The following TNRC6B variants were observed in gnomAD, a reference collection of about 807,000 sequenced individuals.
TNRC6B encodes the protein trinucleotide repeat-containing gene 6B protein.
Under a neutral mutation model 203.6 loss-of-function variants are expected in TNRC6B, and 52 were observed. The ratio of observed to expected loss-of-function variants is 0.26; its 90% CI spans 0.20 to 0.32. The LOEUF (loss-of-function observed/expected upper bound fraction) is 0.32. TNRC6B is among the 10% of genes least tolerant of loss of function. The pLI, the probability that TNRC6B is intolerant of heterozygous loss-of-function variation, is 1.00. For missense variants in TNRC6B, 1,923 were observed against 2,286.2 expected, an observed-to-expected ratio of 0.84 and a Z score of 3.24; for synonymous variants, 838 against 845.7, an observed-to-expected ratio of 0.99 and a Z score of 0.16.
intron 1 of TNRC6B, among the ~76,000 whole-genome samples, chr22:40,214,466 T>C (rs879166449): frequency 5.9e-5 from 9 of 152,266 alleles, no homozygotes; most frequent in Admixed American, 4.6e-4. Context: ...ATTATAGTTA[T>C]GTAAGATATT....
chr22:40,070,113 G>C (rs1237423720), intron 1 of TNRC6B, among the ~76,000 whole-genome samples: 2 of 151,954 alleles, frequency 1.3e-5, no homozygotes, highest in Non-Finnish European at 2.9e-5. Flanking sequence ...CTTAGTTCTT[G>C]CTTTAATCTG....
In TNRC6B at chr22:40,265,519, G is replaced by T. The variant is rs781727284; in HGVS notation, c.1289G>T (p.Gly430Val). Residue 430 changes from glycine to valine, a missense_variant, in exon 5 of 23, where the codon GGG becomes GTG. Physicochemically the swap from Gly to Val is moderately radical, Grantham distance 109 (BLOSUM62 -3). Around this residue, in one of 8 missense-constraint regions of TNRC6B, gnomAD observed 614 missense variants for 587.7 expected, o/e 1.04. Transcript: ENST00000454349. Reference protein sequence around the residue: ...GSVGSWGAARGPSGTDTVSGQ... With the variant: ...GSVGSWGAARVPSGTDTVSGQ... ...GTTGGATCTTGGGGTGCAGCTAGGG[G>T]GCCTTCTGGAACTGACACAGTCTCT... is the stretch of plus-strand genomic sequence containing the variant. The T allele has an allele frequency of 1.2e-6, 2 of 1,613,910 alleles. No homozygotes were observed. Among genetic ancestry groups the T allele is most frequent in the Non-Finnish European group, 1.7e-6 (2 of 1,179,872 alleles).
At chr22:40,214,651 C>G (rs1478014949) in intron 1 of TNRC6B, among the ~76,000 whole-genome samples, 1 of 151,922 alleles carries the variant, frequency 6.6e-6, no homozygotes, top group African/African-American at 2.4e-5. Flanking sequence ...CTTCTGGGCT[C>G]AGATGATTTT....
At chr22:40,188,441 T>C (rs975603277) in intron 1 of TNRC6B, among the ~76,000 whole-genome samples, 20 of 152,222 alleles carry the variant, frequency 1.3e-4, no homozygotes, top group African/African-American at 4.1e-4. Flanking sequence ...TGTTTTTCTT[T>C]AGAAGTGCAT....
At chr22:40,221,352 A>C (rs2069705744) in intron 1 of TNRC6B, among the ~76,000 whole-genome samples, 1 of 152,194 alleles carries the variant, frequency 6.6e-6, no homozygotes, top group Non-Finnish European at 1.5e-5. Context: ...GTGCTCAGGA[A>C]CTAGATAAAT....
chr22:40,239,794 C>T (rs1318340094), intron 1 of TNRC6B, among the ~76,000 whole-genome samples: 1 of 152,062 alleles, frequency 6.6e-6, no homozygotes, highest in Non-Finnish European at 1.5e-5. Context: ...TGTTATGCCT[C>T]AGCTTAAGTG....
chr22:40,195,197 G>A (rs1295103843), intron 1 of TNRC6B, among the ~76,000 whole-genome samples: 2 of 152,120 alleles, frequency 1.3e-5, no homozygotes, highest in Non-Finnish European at 2.9e-5. Context: ...TATTTTCTTG[G>A]ATGTAAACAA....
At chr22:40,233,457 A>G (rs773669259) in intron 1 of TNRC6B, among the ~76,000 whole-genome samples, 31 of 151,980 alleles carry the variant, frequency 2.0e-4, no homozygotes, top group Non-Finnish European at 4.0e-4. Context: ...CCCCGTCTCT[A>G]CTAAAAATAC....
intron 1 of TNRC6B, among the ~76,000 whole-genome samples, chr22:40,216,667 T>A (rs1392747614): frequency 6.6e-6 from 1 of 152,188 alleles, no homozygotes; most frequent in Non-Finnish European, 1.5e-5. Context: ...TGGTTCTTTC[T>A]AATTTTTTAG....
At chr22:40,268,953 C>T (rs1162793882) in intron 5 of TNRC6B, among the ~76,000 whole-genome samples, 1 of 150,242 alleles carries the variant, frequency 6.7e-6, no homozygotes, top group Non-Finnish European at 1.5e-5. Context: ...TAATCTTAAC[C>T]CCTAGGGTCT....
chr22:40,158,443 A>G (rs568867595), intron 4 of TNRC6B, among the ~76,000 whole-genome samples: 4 of 152,310 alleles, frequency 2.6e-5, no homozygotes, highest in African/African-American at 9.6e-5. Context: ...TTAAAAAAAC[A>G]GGTGGAAGTT....
chr22:40,064,195 T>C (rs2067876920), intron 1 of TNRC6B, among the ~76,000 whole-genome samples: 1 of 152,176 alleles, frequency 6.6e-6, no homozygotes, highest in Non-Finnish European at 1.5e-5. Flanking sequence ...CATCTGCAAA[T>C]AGGGATAGTT....
At chr22:40,142,883 G>A (rs560645926) in intron 3 of TNRC6B, among the ~76,000 whole-genome samples, 1 of 152,298 alleles carries the variant, frequency 6.6e-6, no homozygotes, top group African/African-American at 2.4e-5. Flanking sequence ...ACATGGAAAT[G>A]TATGAACCAT....
chr22:40,058,063 C>T (rs1167914541), intron 1 of TNRC6B, among the ~76,000 whole-genome samples: 3 of 152,176 alleles, frequency 2.0e-5, no homozygotes, highest in Non-Finnish European at 4.4e-5. Context: ...TTTTATCTTG[C>T]ATTTTGGCTC....
At chr22:40,230,221 T>G (rs1168954591) in intron 1 of TNRC6B, among the ~76,000 whole-genome samples, 1 of 152,036 alleles carries the variant, frequency 6.6e-6, no homozygotes, top group African/African-American at 2.4e-5. Flanking sequence ...TTTTTATGTG[T>G]TTATTTGCCA....
intron 1 of TNRC6B, among the ~76,000 whole-genome samples, chr22:40,069,580 T>C (rs1033588509): frequency 6.6e-6 from 1 of 151,404 alleles, no homozygotes; most frequent in African/African-American, 2.4e-5. Context: ...CTCCGCCTCC[T>C]AGGTTCAGGC....
At chr22:40,254,952 TC>T (rs2070248045) in intron 3 of TNRC6B, among the ~76,000 whole-genome samples, 1 of 152,272 alleles carries the variant, frequency 6.6e-6, no homozygotes, top group East Asian at 1.9e-4. Flanking sequence ...GATTTACACT[TC>T]CTGCACCACA....
chr22:40,220,416 A>C (rs1305124120), intron 1 of TNRC6B, among the ~76,000 whole-genome samples: 4 of 149,706 alleles, frequency 2.7e-5, no homozygotes, highest in African/African-American at 7.3e-5. Flanking sequence ...ATCCCACCCC[A>C]TTGGGGTGCC....
rs576149768 is a variant in TNRC6B at position 40,170,827 on chromosome 22, A to G, written c.113+14645A>G. ...CATATATGTACATATATGTGTGTGTATATACATATATGTACATATATGTGT... is the reference window on the plus strand; with the variant it reads ...CATATATGTACATATATGTGTGTGTGTATACATATATGTACATATATGTGT... On this transcript the variant is annotated intron_variant, in intron 4 of 23. Transcript: ENST00000301923. 1.6e-3 allele frequency among the ~76,000 whole-genome samples: 123 copies of G among 75,662 alleles called. 1 individual carries two copies. Among genetic ancestry groups the G allele is most frequent in the South Asian group, 3.7e-3 (8 of 2,164 alleles). 49.6% of individuals were successfully genotyped at this position (75,662 alleles called of 152,430 possible). A position where few individuals can be genotyped will look rare whatever the true frequency, so the allele number is the denominator to read the frequency against.
Sources: gnomAD v4.1 joint callset for allele counts (sites outside exome capture counted in the v4.1 genomes callset) on GRCh38, gnomAD v4.1.1 for gene constraint, gnomAD v4.1.1 regional missense constraint, MANE v1.5 for transcripts, NCBI Gene and HGNC (gene_info 2026-07-23, HGNC 2026-07-21) for gene names.